The following BRD4 variants were observed in gnomAD, a reference collection of about 807,000 sequenced individuals.
The protein encoded by BRD4 is bromodomain containing 4, also known as bromodomain-containing protein 4.
In BRD4, 16 loss-of-function variants were observed where a neutral mutation model predicts 142.1. The observed-to-expected ratio is 0.11, with a 90% CI of 0.08 to 0.17. The LOEUF (loss-of-function observed/expected upper bound fraction) is 0.17. Ranked by LOEUF, BRD4 falls within the 10% of genes least tolerant of loss-of-function variation. The pLI is 1.00. For missense variants in BRD4, 1,424 were observed against 1,810.9 expected (o/e 0.79, Z 3.88); for synonymous variants, 833 against 707.5 (o/e 1.18, Z -2.82).
chr19:15,316,018 T>C (rs1050573056), intron 1 of BRD4, among the ~76,000 whole-genome samples: 1 of 150,550 alleles, frequency 6.6e-6, no homozygotes, highest in African/African-American at 2.4e-5. Flanking sequence ...TAGCCGGGCG[T>C]AGTGGCGGGC....
rs781008086 is a variant in BRD4 at position 15,244,502 on chromosome 19, C to T, written c.2310G>A (p.Pro770=). 55 of 340,194 alleles carry T rather than the reference C, an allele frequency of 1.6e-4. 1 individual carries two copies. In the East Asian group the frequency reaches 8.2e-3, roughly 51 times the overall value. The allele number at this position is 340,194 out of a possible 1,614,324, so 21.1% of individuals were successfully genotyped here. ...PPQQPPPPPP[P]QQQQQPPPPP... ...GGGGTGGCGGCTGCTGTTGCTGCTG[C>T]GGAGGTGGAGGCGGTGGGGGCTGCT... Residue 770 remains proline, a synonymous_variant, in exon 13 of 20, where the codon CCG becomes CCA. Transcript: ENST00000679869.
chr19:15,274,575 G>A (rs1227329880), intron 1 of BRD4, among the ~76,000 whole-genome samples: 4 of 152,246 alleles, frequency 2.6e-5, no homozygotes, highest in Non-Finnish European at 5.9e-5. Context: ...GAGCAGCCCA[G>A]CCACAAGGAC....
At chr19:15,275,110 C>T (rs2047632295) in intron 1 of BRD4, among the ~76,000 whole-genome samples, 1 of 152,186 alleles carries the variant, frequency 6.6e-6, no homozygotes, top group Non-Finnish European at 1.5e-5. Context: ...CCACCTGCCT[C>T]GGCCTCCCAA....
chr19:15,249,121 A>G, intron 11 of BRD4: 2 of 1,245,240 alleles, frequency 1.6e-6, no homozygotes, highest in South Asian at 1.4e-5. Flanking sequence ...GCTGCTGGAC[A>G]TGACTAATCC....
At position 15,265,729 on chromosome 19, in the gene BRD4, GT is replaced by G. The variant is rs2047527850; in HGVS notation, c.560-87del. On this transcript the variant is annotated intron_variant, in intron 4 of 19. Transcript: ENST00000679869. ...CTCGTGGGGACATACACCACACACA[GT>G]GAACGCACATTCGCGTGTTGCATTT... The G allele has an allele frequency of 7.2e-6, 10 of 1,394,764 alleles. No homozygotes were observed. In the South Asian group the frequency reaches 1.2e-4, roughly 16 times the overall value. The allele number at this position is 1,394,764 out of a possible 1,614,324, so 86.4% of individuals were successfully genotyped here. A position where few individuals can be genotyped will look rare whatever the true frequency, so the allele number is the denominator to read the frequency against.
intron 1 of BRD4, among the ~76,000 whole-genome samples, chr19:15,317,895 C>T (rs1368803793): frequency 1.3e-5 from 2 of 152,222 alleles, no homozygotes; most frequent in African/African-American, 2.4e-5. Context: ...GGTATTATTT[C>T]CAGGCAGCTA....
intron 1 of BRD4, among the ~76,000 whole-genome samples, chr19:15,290,466 G>A (rs1213778356): frequency 6.6e-6 from 1 of 152,022 alleles, no homozygotes; most frequent in Non-Finnish European, 1.5e-5. Flanking sequence ...AATGCATCAC[G>A]AGTACTGAAA....
At chr19:15,301,121 C>T (rs2047863663) in intron 1 of BRD4, among the ~76,000 whole-genome samples, 1 of 152,166 alleles carries the variant, frequency 6.6e-6, no homozygotes, top group Non-Finnish European at 1.5e-5. Flanking sequence ...TGAAACACTC[C>T]CACTAAGTAG....
intron 11 of BRD4, among the ~76,000 whole-genome samples, chr19:15,245,419 G>A (rs1047959848): frequency 6.6e-6 from 1 of 152,290 alleles, no homozygotes; most frequent in East Asian, 1.9e-4. Context: ...TCCTGGGAAT[G>A]ACCAGCTACT....
intron 1 of BRD4, among the ~76,000 whole-genome samples, chr19:15,311,669 G>A (rs2047972202): frequency 1.3e-5 from 2 of 151,880 alleles, no homozygotes; most frequent in Non-Finnish European, 2.9e-5. Flanking sequence ...AGGCATGGTG[G>A]CGGGTGCCTG....
chr19:15,318,051 A>G (rs963409652), intron 1 of BRD4, among the ~76,000 whole-genome samples: 14 of 152,224 alleles, frequency 9.2e-5, no homozygotes, highest in African/African-American at 3.1e-4. Flanking sequence ...AATGAAAACA[A>G]CCTACACACA....
At chr19:15,305,225 T>C (rs1312410114) in intron 1 of BRD4, among the ~76,000 whole-genome samples, 1 of 152,076 alleles carries the variant, frequency 6.6e-6, no homozygotes, top group Non-Finnish European at 1.5e-5. Context: ...GTATTTTTAG[T>C]AGGGACAGGG....
At chr19:15,261,310 C>A (rs1249944934) in intron 7 of BRD4, among the ~76,000 whole-genome samples, 1 of 152,094 alleles carries the variant, frequency 6.6e-6, no homozygotes, top group Non-Finnish European at 1.5e-5. Context: ...TCGGCAAAAC[C>A]CCCTCTCTAC....
chr19:15,244,583 A>ATGG lies in BRD4; in HGVS notation c.2226_2228dup (p.His743dup). The ATGG allele has an allele frequency of 6.2e-7, 1 of 1,610,288 alleles. No individual in the cohort carries two copies. The highest frequency in any genetic ancestry group is 1.1e-5 in the South Asian group (1 of 91,066). Reference sequence around the variant, plus strand: ...GAGCCGGGGCCTGCTGCATCTGCTGATGGTGGTGATGATGGTGCTGCAGAC... The same window carrying ATGG: ...GAGCCGGGGCCTGCTGCATCTGCTGATGGTGGTGGTGATGATGGTGCTGCAGAC... On this transcript the variant is annotated inframe_insertion, in exon 13 of 20. Coordinates refer to ENST00000679869, the MANE Select transcript of BRD4 (RefSeq NM_001379291.1).
chr19:15,308,236 T>C, intron 1 of BRD4, among the ~76,000 whole-genome samples: 1 of 127,782 alleles, frequency 7.8e-6, no homozygotes, highest in Non-Finnish European at 1.6e-5. Flanking sequence ...AGTGGGGTCA[T>C]GCATGTGACT....
chr19:15,295,310 G>A lies in BRD4; in HGVS notation c.-34-22177C>T, dbSNP rs979980679. Among the ~76,000 whole-genome samples the A allele has an allele frequency of 2.6e-4, 39 of 152,196 alleles. 1 individual carries two copies. The highest frequency in any genetic ancestry group is 2.6e-4 in the Admixed American group (4 of 15,282). On this transcript the variant is annotated intron_variant, in intron 1 of 19. Coordinates refer to ENST00000679869, the MANE Select transcript of BRD4 (RefSeq NM_001379291.1). The stretch of plus-strand genomic sequence containing the variant: ...TGCACTTGCTGTTGCTAGCTCATGT[G>A]GCCTCCTGACCCTCGATTTCTTCTA...
rs2047196130 is a variant in BRD4, at chr19:15,236,902, AAGTCAAACC to A, written c.*1466_*1474del. The A allele has an allele frequency of 4.9e-6, 1 of 204,452 alleles. No individual in the cohort carries two copies. Among genetic ancestry groups the A allele is most frequent in the South Asian group, 1.9e-4 (1 of 5,254 alleles). The allele number at this position is 204,452 out of a possible 1,614,324, so 12.7% of individuals were successfully genotyped here. A position where few individuals can be genotyped will look rare whatever the true frequency, so the allele number is the denominator to read the frequency against. On this transcript the variant is annotated 3_prime_UTR_variant, in exon 20 of 20. Coordinates refer to ENST00000679869, the MANE Select transcript of BRD4 (RefSeq NM_001379291.1). Reference sequence around the variant, plus strand: ...GACCAAATGCATATTCACCGTATGAAAGTCAAACCAGTCAGTGACTCCAGAGTTTGGCCA... The same window carrying A: ...GACCAAATGCATATTCACCGTATGAAAGTCAGTGACTCCAGAGTTTGGCCA...
chr19:15,243,541 T>C, intron 13 of BRD4, 54 bp from the exon 14 acceptor site: 1 of 1,488,874 alleles, frequency 6.7e-7, no homozygotes. Context: ...GGCCCCAGCC[T>C]GGCCTTTCTG....
chr19:15,246,400 C>A, intron 11 of BRD4: 1 of 152,378 alleles, frequency 6.6e-6, no homozygotes. Flanking sequence ...GTGATGGAGC[C>A]GCGCTGTCTG....
Sources: allele counts gnomAD v4.1 joint callset (sites outside exome capture counted in the v4.1 genomes callset), GRCh38; gene constraint gnomAD v4.1.1; transcripts MANE v1.5; gene names NCBI Gene and HGNC (gene_info 2026-07-23, HGNC 2026-07-21).